Variants in DIPK1C observed in about 807,000 individuals in gnomAD.
DIPK1C encodes divergent protein kinase domain 1C, also known as familial non-conventional Alzheimer's dementia.
Under a neutral mutation model 28.0 loss-of-function variants are expected in DIPK1C, and 33 were observed. That is an observed-to-expected ratio of 1.18 (90% confidence interval 0.89 to 1.58). The LOEUF (loss-of-function observed/expected upper bound fraction) is 1.58, where lower values mean the gene tolerates loss of function less well. Ranked by LOEUF, DIPK1C falls within the 40% of genes most tolerant of loss-of-function variation. DIPK1C has a pLI of 0.00. For missense variants in DIPK1C, 569 were observed against 568.5 expected (o/e 1.00, Z -0.01); for synonymous variants, 255 against 248.8 (o/e 1.02, Z -0.23).
In DIPK1C at chr18:74,434,882, G is replaced by A. The variant is rs1985954112; in HGVS notation, c.*1619C>T. The A allele has an allele frequency of 6.6e-6, 1 of 152,248 alleles. No individual in the cohort carries two copies. The highest frequency in any genetic ancestry group is 2.1e-4 in the South Asian group (1 of 4,838). 9.4% of individuals were successfully genotyped at this position (152,248 alleles called of 1,614,324 possible). A position where few individuals can be genotyped will look rare whatever the true frequency, so the allele number is the denominator to read the frequency against. On this transcript the variant is annotated 3_prime_UTR_variant, in exon 4 of 4. Coordinates refer to ENST00000343998, the MANE Select transcript of DIPK1C (RefSeq NM_001044369.3). ...CAAAGCGAGTCTTCATGTCCATGAT[G>A]AGGAGGCCCTCTATGGAACTCTGTG...
chr18:74,444,847 A>G (rs996103843), intron 2 of DIPK1C, among the ~76,000 whole-genome samples: 1 of 152,136 alleles, frequency 6.6e-6, no homozygotes, highest in African/African-American at 2.4e-5. Context: ...GAGGACGCAT[A>G]GTCACGATTT....
chr18:74,460,726 T>C (rs1986603990), upstream of DIPK1C, among the ~76,000 whole-genome samples: 1 of 152,236 alleles, frequency 6.6e-6, no homozygotes, highest in Non-Finnish European at 1.5e-5. Context: ...TGCTGTGATC[T>C]CCCAGCCATG....
In DIPK1C at chr18:74,446,805, G is replaced by T. The variant is rs1434169332; in HGVS notation, c.677C>A (p.Ala226Asp). ...TGCCCTGTGGTGGGGGCTGCCCGCG[G>T]CCAGGAACTCCACCGCGTAGAAGTG... ...CGHFYAVEFLAAGSPHHRALF... is the reference protein window; with the variant it reads ...CGHFYAVEFLDAGSPHHRALF... Residue 226 changes from alanine to aspartate, a missense_variant, in exon 2 of 4, where the codon GCC becomes GAC. Coordinates refer to ENST00000343998, the MANE Select transcript of DIPK1C (RefSeq NM_001044369.3). 5 of 1,489,402 alleles carry T rather than the reference G, an allele frequency of 3.4e-6. No individual in the cohort carries two copies. The South Asian group carries it at 4.0e-5, about 12-fold the overall frequency. The allele number at this position is 1,489,402 out of a possible 1,614,324, so 92.3% of individuals were successfully genotyped here.
Position 74,436,555 on chromosome 18 carries a change from C to G in DIPK1C, c.1206G>C (p.Lys402Asn). 6.2e-7 allele frequency: 1 copy of G among 1,608,360 alleles called. No homozygotes were observed. Among genetic ancestry groups the G allele is most frequent in the Non-Finnish European group, 8.5e-7 (1 of 1,178,454 alleles). Residue 402 changes from lysine to asparagine, a missense_variant, in exon 4 of 4, where the codon AAG becomes AAC. Lys to Asn is a moderately conservative substitution (Grantham distance 94). Coordinates refer to ENST00000343998, the MANE Select transcript of DIPK1C (RefSeq NM_001044369.3). ...TRRAASSVFW[K>N]LRQLLQATLR... ...GTGTGGCTTGGAGGAGTTGGCGAAG[C>G]TTCCAGAACACGCTGGAGGCTGCTC...
chr18:74,446,847 A>G lies in DIPK1C; in HGVS notation c.635T>C (p.Val212Ala). Residue 212 changes from valine (V) to alanine (A), a missense_variant, in exon 2 of 4, where the codon GTG becomes GCG. Physicochemically the swap from Val to Ala is moderately conservative, Grantham distance 64. Coordinates refer to ENST00000343998, the MANE Select transcript of DIPK1C (RefSeq NM_001044369.3). The stretch of plus-strand genomic sequence containing the variant: ...GTAGAAGTGGCCGCAGGAACCCAGC[A>G]CGGGCAGCACGTGTGGGCTCAGGTC... ...LQDLSPHVLP[V>A]LGSCGHFYAV... is the part of the protein sequence containing the mutation. 6.6e-7 allele frequency: 1 copy of G among 1,507,164 alleles called. No individual in the cohort carries two copies. Among genetic ancestry groups the G allele is most frequent in the Non-Finnish European group, 8.9e-7 (1 of 1,123,092 alleles). The allele number at this position is 1,507,164 out of a possible 1,614,324, so 93.4% of individuals were successfully genotyped here.
upstream of DIPK1C, among the ~76,000 whole-genome samples, chr18:74,459,838 C>T (rs1015735475): frequency 5.3e-5 from 8 of 152,278 alleles, no homozygotes; most frequent in African/African-American, 1.9e-4. Context: ...CTCCTCCTTG[C>T]ACAGAGCTTC....
At chr18:74,461,745 C>T (rs1220026641), upstream of DIPK1C, among the ~76,000 whole-genome samples, 2 of 151,956 alleles carry the variant, frequency 1.3e-5, no homozygotes, top group African/African-American at 2.4e-5. Context: ...GGGTTATAGT[C>T]GTCATCTTAT....
chr18:74,461,698 A>G (rs1242418333), upstream of DIPK1C, among the ~76,000 whole-genome samples: 1 of 152,028 alleles, frequency 6.6e-6, no homozygotes, highest in African/African-American at 2.4e-5. Flanking sequence ...CAGGGGGATC[A>G]TAGCTCTTCC....
intron 3 of DIPK1C, among the ~76,000 whole-genome samples, chr18:74,440,974 G>C (rs2144513575): frequency 6.6e-6 from 1 of 152,274 alleles, no homozygotes; most frequent in South Asian, 2.1e-4. Context: ...GTAGACCCTG[G>C]GGTGGCAGAG....
chr18:74,447,209 G>T lies in DIPK1C; in HGVS notation c.273C>A (p.Phe91Leu). 1 of 1,550,286 alleles carries T rather than the reference G, an allele frequency of 6.5e-7. No homozygotes were observed. Among genetic ancestry groups the T allele is most frequent in the Non-Finnish European group, 8.7e-7 (1 of 1,146,908 alleles). The change falls in exon 2 of 4, where the codon TTC (phenylalanine) becomes TTA (leucine). Residue 91 changes from phenylalanine (F) to leucine (L), a missense_variant. By Grantham distance (22) the Phe-to-Leu change is conservative. Coordinates refer to ENST00000343998, the MANE Select transcript of DIPK1C (RefSeq NM_001044369.3). This position sits in a 1 kb window ranked among gnomAD's most constrained non-coding sequence, Gnocchi z 4.1. ...CTCTGTTGTAGTGCAGGCAGCGTTG[G>T]AACAGCAGCTCTCCCGCCACACACA... Reference protein sequence around the residue: ...EDLCVAGELLFQRCLHYNRGK... With the variant: ...EDLCVAGELLLQRCLHYNRGK...
upstream of DIPK1C, among the ~76,000 whole-genome samples, chr18:74,460,915 G>A (rs1008021309): frequency 6.6e-6 from 1 of 152,220 alleles, no homozygotes; most frequent in Non-Finnish European, 1.5e-5. Flanking sequence ...GCTCTCCAGT[G>A]GGTTCTGTGC....
At chr18:74,437,001 C>A (rs1389134469) in intron 3 of DIPK1C, among the ~76,000 whole-genome samples, 2 of 151,964 alleles carry the variant, frequency 1.3e-5, no homozygotes, top group African/African-American at 4.8e-5. Flanking sequence ...GGACAAAGTT[C>A]TGGGTGACAC....
At chr18:74,442,523 G>C (rs1177039552) in intron 2 of DIPK1C, among the ~76,000 whole-genome samples, 1 of 152,086 alleles carries the variant, frequency 6.6e-6, no homozygotes, top group Non-Finnish European at 1.5e-5. Flanking sequence ...TAGAGACGGG[G>C]TTTCACCGTG....
intron 1 of DIPK1C, among the ~76,000 whole-genome samples, chr18:74,456,690 T>A (rs1465036042): frequency 6.6e-6 from 1 of 152,174 alleles, no homozygotes; most frequent in East Asian, 1.9e-4. Flanking sequence ...CGCACTGGCT[T>A]GCGCCCCGAG....
upstream of DIPK1C, among the ~76,000 whole-genome samples, chr18:74,462,666 T>TA (rs534368468): frequency 0.04 from 5,579 of 138,070 alleles, 89 homozygotes; most frequent in Middle Eastern, 0.068. Flanking sequence ...ATGTTTTGCT[T>TA]AAAAAAAAAA....
At chr18:74,442,985 C>G (rs1330390634) in intron 2 of DIPK1C, among the ~76,000 whole-genome samples, 1 of 152,192 alleles carries the variant, frequency 6.6e-6, no homozygotes, top group Admixed American at 6.5e-5. Flanking sequence ...ACGTTCTCTT[C>G]ATGACACGTC....
chr18:74,455,506 A>C (rs1221668694), intron 1 of DIPK1C, among the ~76,000 whole-genome samples: 2 of 152,086 alleles, frequency 1.3e-5, no homozygotes, highest in Non-Finnish European at 2.9e-5. Flanking sequence ...ACTTCATAAA[A>C]CTGGCCCGGT....
At chr18:74,454,064 G>T (rs1986453411) in intron 1 of DIPK1C, among the ~76,000 whole-genome samples, 1 of 152,158 alleles carries the variant, frequency 6.6e-6, no homozygotes, top group Admixed American at 6.5e-5. Flanking sequence ...CTCCCCAGCT[G>T]GCTGGGCCTG....
intron 1 of DIPK1C, among the ~76,000 whole-genome samples, chr18:74,452,201 C>A (rs1215406572): frequency 6.6e-6 from 1 of 152,144 alleles, no homozygotes; most frequent in Non-Finnish European, 1.5e-5. Context: ...AAGTCAGGGA[C>A]CGTCTGTATA....
Sources: allele counts gnomAD v4.1 joint callset (sites outside exome capture counted in the v4.1 genomes callset), GRCh38; gene constraint gnomAD v4.1.1; non-coding constraint Gnocchi (gnomAD v3.1); transcripts MANE v1.5; gene names NCBI Gene and HGNC (gene_info 2026-07-23, HGNC 2026-07-21).